NRXN3: variants seen among roughly 807,000 people sequenced by gnomAD.
The protein encoded by NRXN3 is neurexin III.
NRXN3 carries 32 observed loss-of-function variants against 137.6 expected under a neutral mutation model. The ratio of observed to expected loss-of-function variants is 0.23; its 90% CI spans 0.18 to 0.31. The LOEUF is 0.31. Ranked by LOEUF, NRXN3 falls within the 10% of genes least tolerant of loss-of-function variation. The pLI, the probability that NRXN3 is intolerant of heterozygous loss-of-function variation, is 1.00. For missense variants in NRXN3, 1,574 were observed against 2,062.5 expected (o/e 0.76, Z 4.59); for synonymous variants, 798 against 784.5 (o/e 1.02, Z -0.29).
intron 15 of NRXN3, among the ~76,000 whole-genome samples, chr14:79,209,216 G>A (rs2067266270): frequency 6.6e-6 from 1 of 152,224 alleles, no homozygotes; most frequent in Non-Finnish European, 1.5e-5. Flanking sequence ...GGGATTATAG[G>A]CGTGAGCCAC....
chr14:79,044,720 CA>C (rs2099630318), intron 15 of NRXN3, among the ~76,000 whole-genome samples: 1 of 151,932 alleles, frequency 6.6e-6, no homozygotes, highest in Admixed American at 6.6e-5. Flanking sequence ...CACACACACA[CA>C]CATATATACC....
At chr14:78,844,239 G>A (rs1357202829) in intron 10 of NRXN3, among the ~76,000 whole-genome samples, 1 of 152,088 alleles carries the variant, frequency 6.6e-6, no homozygotes, top group Non-Finnish European at 1.5e-5. Flanking sequence ...AAGGATACAT[G>A]TGATTGCATT....
At chr14:78,992,371 G>T (rs937159426) in intron 15 of NRXN3, among the ~76,000 whole-genome samples, 2 of 152,182 alleles carry the variant, frequency 1.3e-5, no homozygotes, top group African/African-American at 4.8e-5. Context: ...TCAACTTAAT[G>T]AAAGCTGTCT....
intron 16 of NRXN3, among the ~76,000 whole-genome samples, chr14:79,558,549 TTC>T (rs1310848588): frequency 2.0e-5 from 3 of 151,988 alleles, no homozygotes; most frequent in Admixed American, 2.0e-4. Flanking sequence ...GGATGTTCTT[TTC>T]TCTCTCTCTT....
At chr14:79,522,250 G>A (rs757313961) in intron 16 of NRXN3, among the ~76,000 whole-genome samples, 6 of 152,102 alleles carry the variant, frequency 3.9e-5, no homozygotes, top group Non-Finnish European at 7.4e-5. Flanking sequence ...TTGACAGACC[G>A]AGGAGTCTGG....
chr14:79,510,380 G>A (rs997609675), intron 16 of NRXN3, among the ~76,000 whole-genome samples: 2 of 152,166 alleles, frequency 1.3e-5, no homozygotes, highest in Admixed American at 1.3e-4. Flanking sequence ...CTCATGAAAA[G>A]AGCATGGGTA....
At chr14:78,293,144 A>G (rs2075975227) in intron 3 of NRXN3, among the ~76,000 whole-genome samples, 1 of 152,044 alleles carries the variant, frequency 6.6e-6, no homozygotes. Flanking sequence ...CAACATTTAT[A>G]TCTTAATGTT....
intron 3 of NRXN3, among the ~76,000 whole-genome samples, chr14:78,291,995 A>G (rs1191389791): frequency 6.6e-6 from 1 of 152,220 alleles, no homozygotes; most frequent in African/African-American, 2.4e-5. Flanking sequence ...TGAAGGAAAG[A>G]AGAATGGATT....
At chr14:78,281,052 G>C (rs1367438749) in intron 3 of NRXN3, among the ~76,000 whole-genome samples, 2 of 152,148 alleles carry the variant, frequency 1.3e-5, no homozygotes, top group Non-Finnish European at 2.9e-5. Context: ...TTCTTTCCTC[G>C]AAGTGTCAAG....
chr14:78,290,991 T>A (rs1000537454), intron 3 of NRXN3, among the ~76,000 whole-genome samples: 1 of 152,114 alleles, frequency 6.6e-6, no homozygotes, highest in African/African-American at 2.4e-5. Context: ...ATTCTGTGGA[T>A]GAGGATTGAG....
At chr14:79,510,338 T>C (rs1392629931) in intron 16 of NRXN3, among the ~76,000 whole-genome samples, 1 of 152,126 alleles carries the variant, frequency 6.6e-6, no homozygotes, top group Admixed American at 6.5e-5. Flanking sequence ...ATTTAGGAAT[T>C]GGATACAGCT....
intron 15 of NRXN3, among the ~76,000 whole-genome samples, chr14:79,127,949 G>A (rs1180605669): frequency 6.7e-6 from 1 of 150,188 alleles, no homozygotes; most frequent in East Asian, 2.0e-4. Flanking sequence ...TTGTGAATGG[G>A]AGTTCACTCA....
At chr14:78,870,881 A>T (rs1042619218) in intron 10 of NRXN3, among the ~76,000 whole-genome samples, 8 of 151,904 alleles carry the variant, frequency 5.3e-5, no homozygotes, top group Non-Finnish European at 1.0e-4. Flanking sequence ...ACGTTGTTCC[A>T]AATGACAGGA....
chr14:78,993,140 G>A (rs1202752090), intron 15 of NRXN3, among the ~76,000 whole-genome samples: 1 of 152,196 alleles, frequency 6.6e-6, no homozygotes, highest in Non-Finnish European at 1.5e-5. Context: ...TTTTCTGCAG[G>A]AGTGGCTATT....
chr14:78,803,386 C>A (rs2098845278), intron 8 of NRXN3, among the ~76,000 whole-genome samples: 2 of 152,258 alleles, frequency 1.3e-5, no homozygotes, highest in Non-Finnish European at 2.9e-5. Flanking sequence ...CCTGGTAGGG[C>A]AGGTACCTGT....
chr14:79,403,458 T>A (rs1425225371), intron 15 of NRXN3, among the ~76,000 whole-genome samples: 1 of 152,180 alleles, frequency 6.6e-6, no homozygotes, highest in Non-Finnish European at 1.5e-5. Flanking sequence ...AACAAGAGTC[T>A]GTGGACTCTG....
intron 4 of NRXN3, among the ~76,000 whole-genome samples, chr14:78,626,069 T>G (rs2097455139): frequency 6.6e-6 from 1 of 152,114 alleles, no homozygotes; most frequent in Non-Finnish European, 1.5e-5. Flanking sequence ...TTGCCATTAT[T>G]ATTAAACAGT....
At chr14:79,115,503 T>C (rs946974609) in intron 15 of NRXN3, among the ~76,000 whole-genome samples, 2 of 152,146 alleles carry the variant, frequency 1.3e-5, no homozygotes, top group African/African-American at 4.8e-5. Context: ...ATCACATGTA[T>C]GGTTCAGAAA....
chr14:78,870,117 A>G (rs2099097664), intron 10 of NRXN3, among the ~76,000 whole-genome samples: 1 of 152,188 alleles, frequency 6.6e-6, no homozygotes, highest in South Asian at 2.1e-4. Flanking sequence ...CAGATATCTA[A>G]AGTGGGGCAG....
Sources: allele counts gnomAD v4.1 joint callset (sites outside exome capture counted in the v4.1 genomes callset), GRCh38; gene constraint gnomAD v4.1.1; transcripts MANE v1.5; gene names NCBI Gene and HGNC (gene_info 2026-07-23, HGNC 2026-07-21).